PCDH15: variants seen among roughly 807,000 people sequenced by gnomAD.
The protein encoded by PCDH15 is protocadherin-15.
In PCDH15, 129 loss-of-function variants were observed where a neutral mutation model predicts 178.5. The ratio of observed to expected loss-of-function variants is 0.72; its 90% CI spans 0.63 to 0.84. The LOEUF (loss-of-function observed/expected upper bound fraction) is 0.84, where lower values mean the gene tolerates loss of function less well. Among genes scored for constraint, PCDH15 ranks in the 40% least tolerant of loss-of-function variants. The probability of loss-of-function intolerance (pLI) is 0.00; values close to 1 mark genes in which losing one functional copy is unlikely to be tolerated. For missense variants in PCDH15, 2,230 were observed against 2,099.9 expected (o/e 1.06, Z -1.21); for synonymous variants, 800 against 732.0 (o/e 1.09, Z -1.50).
intron 1 of PCDH15, among the ~76,000 whole-genome samples, chr10:54,743,150 C>T (rs570070618): frequency 2.0e-5 from 3 of 151,852 alleles, no homozygotes; most frequent in Admixed American, 6.6e-5. Context: ...AAGTGAAAAT[C>T]GGGATATATT....
At chr10:54,634,465 A>T (rs2093792291) in intron 2 of PCDH15, among the ~76,000 whole-genome samples, 1 of 152,052 alleles carries the variant, frequency 6.6e-6, no homozygotes, top group African/African-American at 2.4e-5. Context: ...GAGGTCATAT[A>T]AGTCTCTGGA....
At chr10:55,027,068 G>A (rs960275544) in intron 2 of PCDH15, among the ~76,000 whole-genome samples, 20 of 151,942 alleles carry the variant, frequency 1.3e-4, no homozygotes, top group African/African-American at 4.8e-4. Context: ...GAGTCACAAT[G>A]TAATGGATGA....
chr10:55,487,371 C>T (rs1356924527), intron 2 of PCDH15, among the ~76,000 whole-genome samples: 1 of 151,582 alleles, frequency 6.6e-6, no homozygotes, highest in Non-Finnish European at 1.5e-5. Flanking sequence ...TTACAGTCAC[C>T]ATTTTTCTTT....
chr10:55,200,144 G>C (rs1459295551), intron 1 of PCDH15, among the ~76,000 whole-genome samples: 1 of 152,076 alleles, frequency 6.6e-6, no homozygotes, highest in Non-Finnish European at 1.5e-5. Context: ...TGTACACTTT[G>C]AAAAGACACA....
At chr10:55,523,183 T>A (rs915945868) in intron 2 of PCDH15, among the ~76,000 whole-genome samples, 14 of 151,650 alleles carry the variant, frequency 9.2e-5, no homozygotes, top group Admixed American at 2.0e-4. Flanking sequence ...AAATTTTTTT[T>A]AAATAAACTT....
chr10:54,698,624 G>A (rs1315448718), intron 1 of PCDH15, among the ~76,000 whole-genome samples: 1 of 152,078 alleles, frequency 6.6e-6, no homozygotes, highest in South Asian at 2.1e-4. Context: ...ATATAAATTT[G>A]ATCAATTACT....
intron 2 of PCDH15, among the ~76,000 whole-genome samples, chr10:55,384,530 T>C (rs1230249511): frequency 6.6e-6 from 1 of 151,898 alleles, no homozygotes; most frequent in Non-Finnish European, 1.5e-5. Context: ...TCTGGTTTTG[T>C]TTGTTTGTTT....
At chr10:55,455,898 A>G (rs1344734236) in intron 2 of PCDH15, among the ~76,000 whole-genome samples, 1 of 152,158 alleles carries the variant, frequency 6.6e-6, no homozygotes, top group Non-Finnish European at 1.5e-5. Flanking sequence ...GTAAGCAGGA[A>G]GCCATCAACC....
At chr10:54,839,466 G>A (rs966766886) in intron 3 of PCDH15, among the ~76,000 whole-genome samples, 1 of 151,964 alleles carries the variant, frequency 6.6e-6, no homozygotes, top group African/African-American at 2.4e-5. Context: ...TTTAAAATTA[G>A]CCAGTTGAAG....
chr10:55,190,528 C>T (rs1401097875), intron 1 of PCDH15, among the ~76,000 whole-genome samples: 1 of 151,628 alleles, frequency 6.6e-6, no homozygotes, highest in Non-Finnish European at 1.5e-5. Flanking sequence ...TTATTTAAAA[C>T]CCTTACATAC....
intron 2 of PCDH15, among the ~76,000 whole-genome samples, chr10:54,581,785 AC>A (rs1423823042): frequency 7.9e-5 from 12 of 152,032 alleles, no homozygotes; most frequent in Non-Finnish European, 1.8e-4. Context: ...CTATAATCAT[AC>A]GATCTGTGAC....
At chr10:53,837,256 A>G (rs1355453320) in intron 29 of PCDH15, among the ~76,000 whole-genome samples, 2 of 152,104 alleles carry the variant, frequency 1.3e-5, no homozygotes, top group Admixed American at 6.6e-5. Flanking sequence ...AAAAAACTCA[A>G]AATCAAACTC....
chr10:53,823,140 T>A lies in PCDH15; in HGVS notation c.4368-2910A>T, dbSNP rs151309770. On this transcript the variant is annotated intron_variant, in intron 32 of 37. Transcript: ENST00000644397. ...TGATACTTGACTTATGTTTTCCTTA[T>A]AAAGGGGATTATGGGCACTTAAGTC... is the stretch of plus-strand genomic sequence containing the variant. The A allele has an allele frequency of 6.8e-6, 11 of 1,613,912 alleles. No individual in the cohort carries two copies. Among genetic ancestry groups the A allele is most frequent in the Non-Finnish European group, 8.5e-7 (1 of 1,179,960 alleles).
intron 2 of PCDH15, among the ~76,000 whole-genome samples, chr10:55,347,306 T>C (rs985532244): frequency 2.6e-5 from 4 of 152,070 alleles, no homozygotes; most frequent in African/African-American, 9.7e-5. Context: ...TGCAAAGCTA[T>C]AAAATATGCT....
rs965337254 is a variant in PCDH15 at position 55,125,397 on chromosome 10, G to T, written c.-80+41179C>A. ...GGGTGACGTCTCCTTCTCTGGAGAGGCATTCAATTAAAAATACCTAACCTG... is the reference window on the plus strand; with the variant it reads ...GGGTGACGTCTCCTTCTCTGGAGAGTCATTCAATTAAAAATACCTAACCTG... On this transcript the variant is annotated intron_variant, in intron 2 of 5. Transcript: ENST00000458638. Among the ~76,000 whole-genome samples, 14 of 152,038 alleles carry T rather than the reference G, an allele frequency of 9.2e-5. No homozygotes were observed. The East Asian group carries it at 2.5e-3, about 27-fold the overall frequency.
intron 3 of PCDH15, among the ~76,000 whole-genome samples, chr10:54,468,129 GTAT>G (rs1163541286): frequency 2.6e-5 from 4 of 151,448 alleles, no homozygotes; most frequent in Non-Finnish European, 4.4e-5. Flanking sequence ...TTGACCCTTT[GTAT>G]TATTATTTTC....
At chr10:54,804,260 C>T (rs1399753990), upstream of PCDH15, among the ~76,000 whole-genome samples, 3 of 152,042 alleles carry the variant, frequency 2.0e-5, no homozygotes, top group East Asian at 3.9e-4. Flanking sequence ...AGGATGGTCT[C>T]GATCTCCTGA....
chr10:55,263,678 T>C (rs10825488), intron 1 of PCDH15, among the ~76,000 whole-genome samples: 26,243 of 152,128 alleles, frequency 0.17, 3,132 homozygotes, highest in East Asian at 0.37. Flanking sequence ...GAAGAGGCTC[T>C]TTCCCCAGGA....
chr10:55,253,229 C>A (rs940354296), intron 1 of PCDH15, among the ~76,000 whole-genome samples: 2 of 125,464 alleles, frequency 1.6e-5, no homozygotes, highest in East Asian at 4.3e-4. Flanking sequence ...AGAGTATGTG[C>A]GTGTGTGTGT....
Sources: allele counts gnomAD v4.1 joint callset (sites outside exome capture counted in the v4.1 genomes callset), GRCh38; gene constraint gnomAD v4.1.1; transcripts MANE v1.5; gene names NCBI Gene and HGNC (gene_info 2026-07-23, HGNC 2026-07-21).